Variants in MAP4K4 observed in about 807,000 individuals in gnomAD.
The protein encoded by MAP4K4 is HPK/GCK-like kinase HGK.
MAP4K4 carries 38 observed loss-of-function variants against 189.6 expected under a neutral mutation model. The ratio of observed to expected loss-of-function variants is 0.20; its 90% CI spans 0.15 to 0.26. The LOEUF (loss-of-function observed/expected upper bound fraction) is 0.26. Ranked by LOEUF, MAP4K4 falls within the 10% of genes least tolerant of loss-of-function variation. The probability of loss-of-function intolerance (pLI) is 1.00; values close to 1 mark genes in which losing one functional copy is unlikely to be tolerated. For missense variants in MAP4K4, 1,054 were observed against 1,726.9 expected (o/e 0.61, Z 6.91); for synonymous variants, 610 against 624.3 (o/e 0.98, Z 0.34).
intron 2 of MAP4K4, among the ~76,000 whole-genome samples, chr2:101,748,591 T>C (rs1358500233): frequency 2.0e-5 from 3 of 152,182 alleles, no homozygotes; most frequent in Non-Finnish European, 4.4e-5. Context: ...GATGGATCTC[T>C]TGAGCCCAGG....
intron 12 of MAP4K4, among the ~76,000 whole-genome samples, chr2:101,854,252 C>A (rs531162525): frequency 6.6e-6 from 1 of 152,048 alleles, no homozygotes; most frequent in Non-Finnish European, 1.5e-5. Context: ...CATAGAAACC[C>A]GGTGGAACAA....
At chr2:101,883,187 T>A (rs541362493) in intron 28 of MAP4K4, among the ~76,000 whole-genome samples, 1 of 152,346 alleles carries the variant, frequency 6.6e-6, no homozygotes, top group African/African-American at 2.4e-5. Flanking sequence ...CCATTTTGAA[T>A]TAAGTGCCTG....
chr2:101,779,055 T>G (rs2085863807), intron 2 of MAP4K4, among the ~76,000 whole-genome samples: 1 of 152,180 alleles, frequency 6.6e-6, no homozygotes, highest in African/African-American at 2.4e-5. Flanking sequence ...TATTATGTAT[T>G]AAAGTATTTG....
chr2:101,768,761 T>G (rs2079881166), intron 2 of MAP4K4, among the ~76,000 whole-genome samples: 1 of 152,208 alleles, frequency 6.6e-6, no homozygotes, highest in Admixed American at 6.5e-5. Context: ...TCTAAGGGTT[T>G]TAGGAGCCTG....
chr2:101,799,926 T>C (rs986336906), intron 3 of MAP4K4, among the ~76,000 whole-genome samples: 2 of 152,070 alleles, frequency 1.3e-5, no homozygotes, highest in African/African-American at 4.8e-5. Context: ...ATTTTAATCG[T>C]TAGCTAGAGA....
intron 2 of MAP4K4, among the ~76,000 whole-genome samples, chr2:101,750,288 A>G (rs1334700247): frequency 7.4e-6 from 1 of 134,280 alleles, no homozygotes; most frequent in Non-Finnish European, 1.6e-5. Flanking sequence ...AGACTGGATT[A>G]AGAAAATGTG....
chr2:101,822,494 C>T (rs2096125857), intron 3 of MAP4K4, among the ~76,000 whole-genome samples: 2 of 152,170 alleles, frequency 1.3e-5, no homozygotes, highest in Non-Finnish European at 2.9e-5. Flanking sequence ...CATTTGTTTT[C>T]TAAAGCAGTA....
chr2:101,702,549 A>G (rs550138254), intron 2 of MAP4K4, among the ~76,000 whole-genome samples: 122 of 152,316 alleles, frequency 8.0e-4, no homozygotes, highest in African/African-American at 2.9e-3. Flanking sequence ...AGCCTGGGCA[A>G]CAAGAGTGAA....
chr2:101,820,672 C>CGACTAA (rs2095996826), intron 3 of MAP4K4, among the ~76,000 whole-genome samples: 1 of 152,166 alleles, frequency 6.6e-6, no homozygotes, highest in South Asian at 2.1e-4. Context: ...CTACCGTGTG[C>CGACTAA]TAAGTCTTTT....
intron 2 of MAP4K4, among the ~76,000 whole-genome samples, chr2:101,715,492 T>A (rs189457295): frequency 6.6e-4 from 100 of 152,348 alleles, no homozygotes; most frequent in Admixed American, 4.0e-3. Context: ...ACAGGTAGAA[T>A]ATCCCTTATC....
intron 2 of MAP4K4, among the ~76,000 whole-genome samples, chr2:101,728,008 G>A (rs938525067): frequency 1.3e-5 from 2 of 152,200 alleles, no homozygotes; most frequent in African/African-American, 4.8e-5. Context: ...CACACTAAGG[G>A]CTCCAGGGAG....
chr2:101,797,576 T>C (rs754720657), intron 3 of MAP4K4, among the ~76,000 whole-genome samples: 2 of 152,194 alleles, frequency 1.3e-5, no homozygotes, highest in African/African-American at 2.4e-5. Flanking sequence ...ATTTGAATGA[T>C]CTTTGATCTT....
chr2:101,811,370 C>CAAAAAAAAAAAAAAAAAAA (rs71378177), intron 3 of MAP4K4, among the ~76,000 whole-genome samples: 3 of 68,902 alleles, frequency 4.4e-5, no homozygotes, highest in African/African-American at 1.7e-4. Flanking sequence ...GACTGCGTCT[C>CAAAAAAAAAAAAAAAAAAA]AAAAAAAAAA....
At chr2:101,723,809 T>G (rs1398288002) in intron 2 of MAP4K4, among the ~76,000 whole-genome samples, 1 of 152,158 alleles carries the variant, frequency 6.6e-6, no homozygotes, top group Non-Finnish European at 1.5e-5. Context: ...GGAGGAGATT[T>G]TAGGTTAACT....
At chr2:101,698,384 C>T (rs1477684269) in intron 1 of MAP4K4, 89 bp from the exon 2 acceptor site, 27 of 1,251,740 alleles carry the variant, frequency 2.2e-5, no homozygotes, top group Non-Finnish European at 3.0e-5. Context: ...CCTCTTTTGT[C>T]ACCGCCTTTT....
intron 2 of MAP4K4, among the ~76,000 whole-genome samples, chr2:101,780,646 G>A (rs1369186618): frequency 6.6e-6 from 1 of 152,208 alleles, no homozygotes; most frequent in East Asian, 1.9e-4. Context: ...TACAAGGTGT[G>A]TTTTTCTTGT....
chr2:101,754,384 CT>C (rs2071127140), intron 2 of MAP4K4, among the ~76,000 whole-genome samples: 1 of 126,834 alleles, frequency 7.9e-6, no homozygotes, highest in African/African-American at 3.2e-5. Flanking sequence ...TGGAATCTTG[CT>C]CTGTCACCCA....
At position 101,745,336 on chromosome 2, in the gene MAP4K4, C is replaced by A. The variant is rs1474457583; in HGVS notation, c.124-45384C>A. 3.8e-5 allele frequency among the ~76,000 whole-genome samples: 5 copies of A among 132,790 alleles called. 1 individual carries two copies. The highest frequency in any genetic ancestry group is 3.7e-4 in the Admixed American group (5 of 13,592). 87.1% of individuals were successfully genotyped at this position (132,790 alleles called of 152,430 possible). On this transcript the variant is annotated intron_variant, in intron 2 of 32. Coordinates refer to ENST00000324219, the Ensembl canonical transcript of MAP4K4. ...AAAAAAGTGAAAATATCACCCCCCC[C>A]CCCCCAATACTGCTGTCCTCCCTCC...
chr2:101,750,673 A>C (rs2068421442), intron 2 of MAP4K4, among the ~76,000 whole-genome samples: 1 of 151,954 alleles, frequency 6.6e-6, no homozygotes, highest in African/African-American at 2.4e-5. Context: ...TAAAAAAAAA[A>C]AGTTAGCCAG....
Sources: allele counts gnomAD v4.1 joint callset (sites outside exome capture counted in the v4.1 genomes callset), GRCh38; gene constraint gnomAD v4.1.1; transcripts MANE v1.5; gene names NCBI Gene and HGNC (gene_info 2026-07-23, HGNC 2026-07-21).